The following SCARB1 variants were observed in gnomAD, a reference collection of about 807,000 sequenced individuals.
SCARB1 encodes the protein scavenger receptor class B member 1, also known as CD36 and LIMPII analogous 1.
In SCARB1, 30 loss-of-function variants were observed where a neutral mutation model predicts 57.2. The ratio of observed to expected loss-of-function variants is 0.52; its 90% CI spans 0.39 to 0.71. The LOEUF (loss-of-function observed/expected upper bound fraction) is 0.71. Ranked by LOEUF, SCARB1 falls within the 30% of genes least tolerant of loss-of-function variation. The pLI is 0.00. For synonymous variants in SCARB1, 249 were observed against 268.3 expected (o/e 0.93, Z 0.70); for missense variants, 543 against 671.2 (o/e 0.81, Z 2.11).
chr12:124,804,485 TAAA>T (rs1950256184), intron 7 of SCARB1, among the ~76,000 whole-genome samples: 1 of 152,198 alleles, frequency 6.6e-6, no homozygotes. Context: ...CCTTTTGGCC[TAAA>T]TCAGGTGGAG....
chr12:124,795,273 G>T lies in SCARB1; in HGVS notation c.1129-5C>A. 6.2e-7 allele frequency: 1 copy of T among 1,613,074 alleles called. No homozygotes were observed. The highest frequency in any genetic ancestry group is 8.5e-7 in the Non-Finnish European group (1 of 1,179,186). On this transcript the variant is annotated splice_region_variant and splice_polypyrimidine_tract_variant and intron_variant, in intron 8 of 12. Coordinates refer to ENST00000261693, the MANE Select transcript of SCARB1 (RefSeq NM_005505.5). ...GTTCATGGGGATTCCCGTGACCTGC[G>T]GCAACAAACACAGTGAGGAGACTGG...
rs576124518 is a variant in SCARB1 at position 124,777,061 on chromosome 12, C to G, written c.*1526G>C. ...TTTGAAATGTTCGGCAGTGAATACC[C>G]TCTCCTCTCCTAGTTAGATCCCAGC... On this transcript the variant is annotated 3_prime_UTR_variant, in exon 13 of 13. Coordinates refer to ENST00000261693, the MANE Select transcript of SCARB1 (RefSeq NM_005505.5). The G allele has an allele frequency of 3.8e-4, 58 of 152,046 alleles. No homozygotes were observed. The highest frequency in any genetic ancestry group is 8.5e-4 in the Admixed American group (13 of 15,272). The allele number at this position is 152,046 out of a possible 1,614,324, so 9.4% of individuals were successfully genotyped here.
Position 124,817,517 on chromosome 12 carries a change from G to A in SCARB1, c.284+33C>T, listed in dbSNP as rs755617864. Reference sequence around the variant, plus strand: ...ACCCCTCCCCTGCCCAGCCTCAGCCGGCCCCTCCACCCTCACCTGGACACA... The same window carrying A: ...ACCCCTCCCCTGCCCAGCCTCAGCCAGCCCCTCCACCCTCACCTGGACACA... On this transcript the variant is annotated intron_variant, in intron 2 of 12. Coordinates refer to ENST00000261693, the MANE Select transcript of SCARB1 (RefSeq NM_005505.5). The surrounding 1 kb of genome is among the most constrained non-coding windows in gnomAD (Gnocchi z 4.8). The A allele has an allele frequency of 2.9e-5, 47 of 1,610,116 alleles. No individual in the cohort carries two copies. Among genetic ancestry groups the A allele is most frequent in the South Asian group, 4.4e-5 (4 of 90,978 alleles).
intron 1 of SCARB1, among the ~76,000 whole-genome samples, chr12:124,827,026 GAGCCACCGTCCGAACATTGGCCTACA>G (rs1226294610): frequency 2.0e-5 from 3 of 152,116 alleles, no homozygotes; most frequent in Non-Finnish European, 4.4e-5. Context: ...AATAACATAC[GAGCCACCGTCCGAACATTGGCCTACA>G]AGCCCCTCTG....
chr12:124,821,049 C>T (rs1950937552), intron 1 of SCARB1, among the ~76,000 whole-genome samples: 2 of 152,070 alleles, frequency 1.3e-5, no homozygotes, highest in Admixed American at 1.3e-4. Flanking sequence ...TCAAGACCAG[C>T]CTGAGCATGG....
chr12:124,843,309 A>T (rs1951990692), intron 1 of SCARB1, among the ~76,000 whole-genome samples: 1 of 140,540 alleles, frequency 7.1e-6, no homozygotes, highest in African/African-American at 2.7e-5. Context: ...GGGTCTTACT[A>T]TGTTACCCAG....
intron 7 of SCARB1, among the ~76,000 whole-genome samples, chr12:124,805,234 T>C (rs1950281260): frequency 1.3e-5 from 2 of 151,766 alleles, no homozygotes; most frequent in Admixed American, 1.3e-4. Flanking sequence ...CCGGAGGAGG[T>C]GGCATTTGCA....
Position 124,814,056 on chromosome 12 carries a change from T to C in SCARB1, c.630+146A>G, listed in dbSNP as rs1950608811. On this transcript the variant is annotated intron_variant, in intron 4 of 12. Transcript: ENST00000261693. This position sits in a 1 kb window ranked among gnomAD's most constrained non-coding sequence, Gnocchi z 4.7. ...CATTCCCCATTTCACTCAAGCCGGT[T>C]TGAGTCAGGTTCTCAGTCACTTACA... 14 of 789,800 alleles carry C rather than the reference T, an allele frequency of 1.8e-5. No individual in the cohort carries two copies. The highest frequency in any genetic ancestry group is 2.0e-5 in the Non-Finnish European group (9 of 443,988). The allele number at this position is 789,800 out of a possible 1,614,324, so 48.9% of individuals were successfully genotyped here.
In SCARB1 at chr12:124,782,746, G is replaced by A; in HGVS notation, c.1467C>T (p.Ala489=). 1 of 1,612,930 alleles carries A rather than the reference G, an allele frequency of 6.2e-7. No homozygotes were observed. ...CTGATGTCATCAGGGATTCAGAATA[G>A]GCCTGAATGGCCTCCTTATCCTTTG... ...KGSKDKEAIQ[A]YSESLMTSAP... The change falls in exon 12 of 13, where the codon GCC becomes GCT. Residue 489 remains alanine (A), a synonymous_variant. Transcript: ENST00000261693.
chr12:124,795,511 CCACA>C (rs978860848), intron 8 of SCARB1, among the ~76,000 whole-genome samples: 4 of 152,176 alleles, frequency 2.6e-5, no homozygotes, highest in Non-Finnish European at 4.4e-5. Context: ...CAAGTGCTTC[CCACA>C]CAGTTATGTT....
Position 124,786,399 on chromosome 12 carries a change from G to T in SCARB1, c.1359C>A (p.Cys453Ter). The change falls in exon 11 of 13, where the codon TGC (cysteine) becomes TGA (stop). Residue 453 changes from cysteine to a stop codon, truncating the protein, a stop_gained. Coordinates refer to ENST00000261693, the MANE Select transcript of SCARB1 (RefSeq NM_005505.5). LOFTEE classifies it high-confidence loss of function. Reference sequence around the variant, plus strand: ...AGATGACAGGGACCAGCAGCAGGACGCAGCCCAGCGCCAGGAGGACGTACT... The same window carrying T: ...AGATGACAGGGACCAGCAGCAGGACTCAGCCCAGCGCCAGGAGGACGTACT... ...YAQYVLLALG[C>*]VLLLVPVICQ... 1 of 1,614,150 alleles carries T rather than the reference G, an allele frequency of 6.2e-7. No individual in the cohort carries two copies. Among genetic ancestry groups the T allele is most frequent in the Non-Finnish European group, 8.5e-7 (1 of 1,180,028 alleles).
chr12:124,795,391 C>G, intron 8 of SCARB1, 123 bp from the exon 9 acceptor site: 1 of 748,620 alleles, frequency 1.3e-6, no homozygotes, highest in Middle Eastern at 3.2e-4. Flanking sequence ...GTGGAGCTTG[C>G]TTGTATCTTA....
intron 1 of SCARB1, among the ~76,000 whole-genome samples, chr12:124,823,391 G>T (rs546564611): frequency 6.6e-6 from 1 of 152,304 alleles, no homozygotes; most frequent in East Asian, 1.9e-4. Context: ...AAAGGTGCTT[G>T]ACATCATCAG....
At chr12:124,827,143 G>A (rs1447365317) in intron 1 of SCARB1, among the ~76,000 whole-genome samples, 4 of 152,148 alleles carry the variant, frequency 2.6e-5, no homozygotes, top group Admixed American at 6.5e-5. Flanking sequence ...CTCAGACACC[G>A]GATTAAAGAA....
intron 9 of SCARB1, among the ~76,000 whole-genome samples, chr12:124,792,926 T>TG (rs5801570): frequency 1 from 151,985 of 151,986 alleles, 75,992 homozygotes; most frequent in Non-Finnish European, 1. Flanking sequence ...CTCTTCTATC[T>TG]GGTCACCCAC....
Position 124,796,301 on chromosome 12 carries a change from G to T in SCARB1, c.1129-1033C>A, listed in dbSNP as rs775871904. On this transcript the variant is annotated intron_variant, in intron 8 of 12. Coordinates refer to ENST00000261693, the MANE Select transcript of SCARB1 (RefSeq NM_005505.5). The surrounding 1 kb of genome is among the most constrained non-coding windows in gnomAD (Gnocchi z 4.0). ...GACAGAGTTTCACTATGTTGCCCAG[G>T]CTGGCGTCAAACTCCTAGCCTCAAG... 4.6e-5 allele frequency among the ~76,000 whole-genome samples: 7 copies of T among 152,098 alleles called. No homozygotes were observed. The highest frequency in any genetic ancestry group is 7.4e-5 in the Non-Finnish European group (5 of 68,010).
At chr12:124,832,682 AAG>A (rs922527886) in intron 1 of SCARB1, among the ~76,000 whole-genome samples, 1 of 152,224 alleles carries the variant, frequency 6.6e-6, no homozygotes, top group Non-Finnish European at 1.5e-5. Flanking sequence ...CCAGAACATT[AAG>A]GTCTTTTTGT....
Position 124,817,702 on chromosome 12 carries a change from C to T in SCARB1, c.132G>A (p.Val44=). Residue 44 remains valine, a synonymous_variant, in exon 2 of 13, where the codon GTG becomes GTA. Coordinates refer to ENST00000261693, the MANE Select transcript of SCARB1 (RefSeq NM_005505.5). The surrounding 1 kb of genome is among the most constrained non-coding windows in gnomAD (Gnocchi z 4.8). ...SLIKQQVLKN[V]RIDPSSLSFN... Reference sequence around the variant, plus strand: ...AGGACAGGCTACTGGGGTCGATGCGCACGTTCTGCAGGGGAAGGGACAAGT... The same window carrying T: ...AGGACAGGCTACTGGGGTCGATGCGTACGTTCTGCAGGGGAAGGGACAAGT... The T allele has an allele frequency of 6.2e-7, 1 of 1,614,128 alleles. No homozygotes were observed. The highest frequency in any genetic ancestry group is 1.1e-5 in the South Asian group (1 of 91,088).
chr12:124,837,478 A>G (rs1348325704), intron 1 of SCARB1, among the ~76,000 whole-genome samples: 1 of 131,830 alleles, frequency 7.6e-6, no homozygotes, highest in Admixed American at 8.4e-5. Context: ...AAAGAAAGGA[A>G]GGAAGGAAGG....
Sources: allele counts gnomAD v4.1 joint callset (sites outside exome capture counted in the v4.1 genomes callset), GRCh38; gene constraint gnomAD v4.1.1; non-coding constraint Gnocchi (gnomAD v3.1); transcripts MANE v1.5; gene names NCBI Gene and HGNC (gene_info 2026-07-23, HGNC 2026-07-21).